SPTBN1: variants seen among roughly 807,000 people sequenced by gnomAD.
SPTBN1 encodes spectrin beta, non-erythrocytic 1.
In SPTBN1, 32 loss-of-function variants were observed where a neutral mutation model predicts 266.4. That is an observed-to-expected ratio of 0.12 (90% confidence interval 0.09 to 0.16). The LOEUF is 0.16. SPTBN1 is among the 10% of genes least tolerant of loss of function. The pLI is 1.00. For synonymous variants in SPTBN1, 1,336 were observed against 1,162.2 expected, an observed-to-expected ratio of 1.15 and a Z score of -3.04; for missense variants, 2,296 against 3,067.1, an observed-to-expected ratio of 0.75 and a Z score of 5.94.
At chr2:54,529,624 C>G (rs916086548) in intron 2 of SPTBN1, 4 of 721,916 alleles carry the variant, frequency 5.5e-6, no homozygotes, top group Non-Finnish European at 1.0e-5. Flanking sequence ...TAAAAGACAA[C>G]AACACCCTTG....
At chr2:54,471,631 T>C (rs972257628) in intron 1 of SPTBN1, among the ~76,000 whole-genome samples, 4 of 152,158 alleles carry the variant, frequency 2.6e-5, no homozygotes, top group Non-Finnish European at 4.4e-5. Flanking sequence ...TGGAATGTGT[T>C]GGAGAACTGC....
At chr2:54,495,774 A>G (rs1026452971) in intron 1 of SPTBN1, among the ~76,000 whole-genome samples, 39 of 151,082 alleles carry the variant, frequency 2.6e-4, no homozygotes, top group South Asian at 2.1e-3. Flanking sequence ...TATTATATGT[A>G]TGGTGATTTA....
At chr2:54,509,172 A>G (rs1036710426) in intron 1 of SPTBN1, among the ~76,000 whole-genome samples, 5 of 152,210 alleles carry the variant, frequency 3.3e-5, no homozygotes, top group Non-Finnish European at 7.3e-5. Flanking sequence ...CAATAAACCA[A>G]GTGTGATCAG....
At chr2:54,548,880 A>G (rs1008493744) in intron 2 of SPTBN1, among the ~76,000 whole-genome samples, 3 of 152,180 alleles carry the variant, frequency 2.0e-5, no homozygotes, top group Non-Finnish European at 4.4e-5. Context: ...TCTCTGAGTC[A>G]CCATATGGTG....
intron 1 of SPTBN1, among the ~76,000 whole-genome samples, chr2:54,469,053 A>G (rs925877214): frequency 1.3e-5 from 2 of 152,072 alleles, no homozygotes; most frequent in Non-Finnish European, 2.9e-5. Flanking sequence ...CTATCTTGGG[A>G]TTTAGGATCT....
Position 54,646,996 on chromosome 2 carries a change from T to G in SPTBN1, c.4867-135T>G. On this transcript the variant is annotated intron_variant, in intron 23 of 35. Transcript: ENST00000356805. This position sits in a 1 kb window ranked among gnomAD's most constrained non-coding sequence, Gnocchi z 4.4. ...CTCTTGGAACACTTCTGTGTTCCACTGTCCGTACTGCACCTCTGGAGTTTT... is the reference window on the plus strand; with the variant it reads ...CTCTTGGAACACTTCTGTGTTCCACGGTCCGTACTGCACCTCTGGAGTTTT... The G allele has an allele frequency of 7.8e-7, 1 of 1,278,486 alleles. No homozygotes were observed. The highest frequency in any genetic ancestry group is 2.2e-5 in the Admixed American group (1 of 44,452). The allele number at this position is 1,278,486 out of a possible 1,614,324, so 79.2% of individuals were successfully genotyped here.
intron 1 of SPTBN1, among the ~76,000 whole-genome samples, chr2:54,479,713 G>A (rs1668008245): frequency 6.6e-6 from 1 of 152,170 alleles, no homozygotes; most frequent in Admixed American, 6.5e-5. Flanking sequence ...AATAAAACAT[G>A]TAAAGTTTTG....
chr2:54,474,765 T>C (rs1237902303), intron 1 of SPTBN1, among the ~76,000 whole-genome samples: 1 of 152,106 alleles, frequency 6.6e-6, no homozygotes, highest in African/African-American at 2.4e-5. Context: ...GAGGGGAGAA[T>C]GGATGAGATT....
At chr2:54,570,132 C>T (rs370218887) in intron 2 of SPTBN1, among the ~76,000 whole-genome samples, 15 of 152,292 alleles carry the variant, frequency 9.8e-5, no homozygotes, top group Admixed American at 5.9e-4. Flanking sequence ...GTCAGAGAGC[C>T]GCCTTTGTCA....
At chr2:54,549,584 A>G (rs1490635924) in intron 2 of SPTBN1, among the ~76,000 whole-genome samples, 1 of 152,192 alleles carries the variant, frequency 6.6e-6, no homozygotes, top group Non-Finnish European at 1.5e-5. Context: ...TGTACTTTCC[A>G]TTATTTTAAT....
chr2:54,529,334 C>G (rs758376301), intron 2 of SPTBN1: 1 of 563,808 alleles, frequency 1.8e-6, no homozygotes, highest in East Asian at 3.5e-5. Context: ...CACTTGAGAC[C>G]CTTTTCAGAA....
intron 26 of SPTBN1, among the ~76,000 whole-genome samples, chr2:54,650,857 C>G (rs1680233497): frequency 6.6e-6 from 1 of 152,212 alleles, no homozygotes; most frequent in Non-Finnish European, 1.5e-5. Flanking sequence ...CCAGATATGG[C>G]CTTGGGCTGA....
At chr2:54,612,359 T>C (rs1482909651) in intron 4 of SPTBN1, 25 bp downstream of exon 4, 2 of 1,593,994 alleles carry the variant, frequency 1.3e-6, no homozygotes, top group African/African-American at 1.3e-5. Flanking sequence ...CCAGGGTTGC[T>C]CAGAACTTAG....
At chr2:54,570,089 C>G (rs552488828) in intron 2 of SPTBN1, among the ~76,000 whole-genome samples, 1 of 151,988 alleles carries the variant, frequency 6.6e-6, no homozygotes, top group African/African-American at 2.4e-5. Flanking sequence ...TCTGGAGCAG[C>G]TATTGCTGCA....
chr2:54,600,821 GTTTT>G (rs1246199112), intron 3 of SPTBN1, among the ~76,000 whole-genome samples: 1 of 141,392 alleles, frequency 7.1e-6, no homozygotes, highest in Non-Finnish European at 1.5e-5. Flanking sequence ...TATTTTTGTG[GTTTT>G]TTTTTTTTAA....
chr2:54,649,497 T>C lies in SPTBN1; in HGVS notation c.5203-118T>C, dbSNP rs574416917. 8 of 1,416,460 alleles carry C rather than the reference T, an allele frequency of 5.6e-6. No homozygotes were observed. In the African/African-American group the frequency reaches 1.2e-4, roughly 20 times the overall value. 87.7% of individuals were successfully genotyped at this position (1,416,460 alleles called of 1,614,324 possible). On this transcript the variant is annotated intron_variant, in intron 25 of 35. Coordinates refer to ENST00000356805, the MANE Select transcript of SPTBN1 (RefSeq NM_003128.3). This position sits in a 1 kb window ranked among gnomAD's most constrained non-coding sequence, Gnocchi z 6.7. ...GCTAAGATCTATTGTTCTGAAGTCA[T>C]GAGTATTATTGGCTACATCTTGCTT...
Position 54,655,931 on chromosome 2 carries a change from G to A in SPTBN1, c.5979G>A (p.Leu1993=), listed in dbSNP as rs751209606. The A allele has an allele frequency of 9.3e-6, 15 of 1,613,096 alleles. No individual in the cohort carries two copies. The South Asian group carries it at 1.2e-4, about 13-fold the overall frequency. ...TCATACAGATCAAGGAAAAATTACT[G>A]CAGTTGACGGAAAAGAGGAAAGAAA... ...YASEEIKEKL[L]QLTEKRKEMI... Residue 1993 remains leucine (L), a synonymous_variant, in exon 29 of 36, where the codon CTG becomes CTA. Coordinates refer to ENST00000356805, the MANE Select transcript of SPTBN1 (RefSeq NM_003128.3).
At chr2:54,647,592 A>G (rs1293425343) in intron 24 of SPTBN1, among the ~76,000 whole-genome samples, 1 of 152,204 alleles carries the variant, frequency 6.6e-6, no homozygotes, top group African/African-American at 2.4e-5. Flanking sequence ...TAATCCCAGC[A>G]CTTTACCAAG....
chr2:54,522,502 A>AC (rs1260217285), intron 1 of SPTBN1, among the ~76,000 whole-genome samples: 1 of 151,738 alleles, frequency 6.6e-6, no homozygotes. Flanking sequence ...ATGATAGTGC[A>AC]CACCTGTAAT....
Sources: gnomAD v4.1 joint callset for allele counts (sites outside exome capture counted in the v4.1 genomes callset) on GRCh38, gnomAD v4.1.1 for gene constraint, Gnocchi (gnomAD v3.1) non-coding constraint, MANE v1.5 for transcripts, NCBI Gene and HGNC (gene_info 2026-07-23, HGNC 2026-07-21) for gene names.